B3GLCT: variants seen among roughly 807,000 people sequenced by gnomAD.
B3GLCT encodes the protein beta 3-glucosyltransferase, also known as beta-1,3-glucosyltransferase.
B3GLCT carries 65 observed loss-of-function variants against 63.4 expected under a neutral mutation model. The observed-to-expected ratio is 1.03, with a 90% CI of 0.84 to 1.26. The LOEUF is 1.26. Among genes scored for constraint, B3GLCT ranks in the 50% most tolerant of loss-of-function variants. The pLI is 0.00. For missense variants in B3GLCT, 577 were observed against 604.8 expected, an observed-to-expected ratio of 0.95 and a Z score of 0.48; for synonymous variants, 233 against 219.2, an observed-to-expected ratio of 1.06 and a Z score of -0.55.
At chr13:31,302,263 A>G (rs1874256960) in intron 12 of B3GLCT, among the ~76,000 whole-genome samples, 1 of 152,202 alleles carries the variant, frequency 6.6e-6, no homozygotes, top group African/African-American at 2.4e-5. Context: ...CATGGCCTGG[A>G]TAACGGTCAT....
At chr13:31,311,287 G>A (rs1874692876) in intron 12 of B3GLCT, 1 of 152,202 alleles carries the variant, frequency 6.6e-6, no homozygotes, top group South Asian at 2.1e-4. Context: ...TATCACACCA[G>A]GACAGTGGAC....
rs114723140 is a variant in B3GLCT, at chr13:31,219,758, A to G, written c.121-3194A>G. On this transcript the variant is annotated intron_variant, in intron 2 of 14. Coordinates refer to ENST00000343307, the MANE Select transcript of B3GLCT (RefSeq NM_194318.4). ...ACGTTTACCTGATAAGACAAGAACA[A>G]TTCCTATAAGCAGCCTTTTAAGAGG... is the stretch of plus-strand genomic sequence containing the variant. Among the ~76,000 whole-genome samples the G allele has an allele frequency of 3.7e-3, 557 of 152,352 alleles. 3 individuals carry two copies. The highest frequency in any genetic ancestry group is 0.012 in the African/African-American group (517 of 41,580).
chr13:31,309,849 C>G (rs928001040), intron 12 of B3GLCT, among the ~76,000 whole-genome samples: 1 of 151,948 alleles, frequency 6.6e-6, no homozygotes, highest in African/African-American at 2.4e-5. Context: ...CCAGAAAGAC[C>G]TCCTTATTCA....
intron 12 of B3GLCT, among the ~76,000 whole-genome samples, chr13:31,289,610 G>A (rs974850276): frequency 2.0e-4 from 8 of 40,988 alleles, no homozygotes; most frequent in Admixed American, 8.2e-4. Flanking sequence ...TTTAGCCATC[G>A]TGCTAAAAGA....
At chr13:31,315,042 TC>T (rs1176852900) in intron 12 of B3GLCT, among the ~76,000 whole-genome samples, 1 of 152,172 alleles carries the variant, frequency 6.6e-6, no homozygotes, top group Non-Finnish European at 1.5e-5. Context: ...TTGTGAGACC[TC>T]CCCAGCCACA....
intron 12 of B3GLCT, among the ~76,000 whole-genome samples, chr13:31,300,312 G>T (rs1027503837): frequency 2.0e-5 from 3 of 152,168 alleles, no homozygotes; most frequent in African/African-American, 7.2e-5. Flanking sequence ...CCTTACTAAA[G>T]TGTTCCTCTG....
intron 10 of B3GLCT, among the ~76,000 whole-genome samples, chr13:31,279,555 G>A (rs1171406962): frequency 1.3e-5 from 2 of 152,090 alleles, no homozygotes; most frequent in African/African-American, 4.8e-5. Flanking sequence ...AATAGGGTGT[G>A]GGTCACAGAG....
Position 31,308,414 on chromosome 13 carries a change from A to G in B3GLCT, c.1065-9152A>G, listed in dbSNP as rs116084616. On this transcript the variant is annotated intron_variant, in intron 12 of 14. Coordinates refer to ENST00000343307, the MANE Select transcript of B3GLCT (RefSeq NM_194318.4). ...TACAGATGAAATGTATCAGCTGCAT[A>G]ATTTGGGGTGTTCTACTTGGCATTT... Among the ~76,000 whole-genome samples the G allele has an allele frequency of 4.8e-3, 730 of 150,796 alleles. 5 individuals carry two copies. The highest frequency in any genetic ancestry group is 0.013 in the African/African-American group (522 of 41,172).
At chr13:31,222,655 AT>A (rs1869873125) in intron 2 of B3GLCT, among the ~76,000 whole-genome samples, 1 of 152,228 alleles carries the variant, frequency 6.6e-6, no homozygotes, top group Non-Finnish European at 1.5e-5. Flanking sequence ...CCAGTTAAAC[AT>A]TCACTGCATC....
intron 6 of B3GLCT, among the ~76,000 whole-genome samples, chr13:31,251,141 A>G (rs1473223711): frequency 2.6e-5 from 4 of 152,190 alleles, no homozygotes; most frequent in Non-Finnish European, 5.9e-5. Context: ...TAGAAGGAAA[A>G]CTAATAAACA....
At chr13:31,302,110 A>C (rs921211905) in intron 12 of B3GLCT, among the ~76,000 whole-genome samples, 1 of 152,154 alleles carries the variant, frequency 6.6e-6, no homozygotes, top group Non-Finnish European at 1.5e-5. Flanking sequence ...AATTAACCTA[A>C]TGTCTTTATT....
intron 10 of B3GLCT, among the ~76,000 whole-genome samples, chr13:31,279,548 A>T (rs1372439459): frequency 6.6e-6 from 1 of 152,176 alleles, no homozygotes; most frequent in East Asian, 1.9e-4. Context: ...GTGTACGAAT[A>T]GGGTGTGGGT....
At chr13:31,253,618 A>AAAAAAAAAAAAAAACAAAC (rs1555249042) in intron 6 of B3GLCT, among the ~76,000 whole-genome samples, 4 of 82,314 alleles carry the variant, frequency 4.9e-5, no homozygotes, top group Admixed American at 3.1e-4. Context: ...AAAAAAAAAA[A>AAAAAAAAAAAAAAACAAAC]AAACTAGAGA....
chr13:31,269,782 T>G (rs1419166208), intron 8 of B3GLCT, among the ~76,000 whole-genome samples: 1 of 152,138 alleles, frequency 6.6e-6, no homozygotes, highest in East Asian at 1.9e-4. Context: ...GCAGGGGGCT[T>G]CCTTGCCCTT....
intron 6 of B3GLCT, among the ~76,000 whole-genome samples, chr13:31,256,294 A>G (rs1405867622): frequency 6.6e-6 from 1 of 152,192 alleles, no homozygotes; most frequent in East Asian, 1.9e-4. Flanking sequence ...GCTGGAGAGG[A>G]TGTGGAGAAG....
chr13:31,220,089 A>G (rs1046042298), intron 2 of B3GLCT, among the ~76,000 whole-genome samples: 9 of 152,300 alleles, frequency 5.9e-5, no homozygotes, highest in Admixed American at 2.6e-4. Context: ...GGGCCGACTG[A>G]GTGTAATCAT....
At chr13:31,234,157 A>G (rs903464334) in intron 4 of B3GLCT, among the ~76,000 whole-genome samples, 5 of 152,052 alleles carry the variant, frequency 3.3e-5, no homozygotes, top group Non-Finnish European at 5.9e-5. Flanking sequence ...AGCTGGGACT[A>G]CAGGCACCCG....
At chr13:31,253,026 T>C (rs930441251) in intron 6 of B3GLCT, among the ~76,000 whole-genome samples, 1 of 152,138 alleles carries the variant, frequency 6.6e-6, no homozygotes, top group Non-Finnish European at 1.5e-5. Flanking sequence ...CAGACCACAG[T>C]GCAATCAAAT....
chr13:31,229,460 G>A lies in B3GLCT; in HGVS notation c.270+166G>A, dbSNP rs1198455039. 5.3e-5 allele frequency among the ~76,000 whole-genome samples: 8 copies of A among 151,958 alleles called. No individual in the cohort carries two copies. The South Asian group carries it at 6.2e-4, about 12-fold the overall frequency. The stretch of plus-strand genomic sequence containing the variant: ...GAGTATTTGTTGTTGAAAATGTTTC[G>A]GTCAGCTGGGCGTGGTGGCTCACGC... On this transcript the variant is annotated intron_variant, in intron 4 of 14. Coordinates refer to ENST00000343307, the MANE Select transcript of B3GLCT (RefSeq NM_194318.4).
Sources: allele counts gnomAD v4.1 joint callset (sites outside exome capture counted in the v4.1 genomes callset), GRCh38; gene constraint gnomAD v4.1.1; transcripts MANE v1.5; gene names NCBI Gene and HGNC (gene_info 2026-07-23, HGNC 2026-07-21).